DNMT1: variants seen among roughly 807,000 people sequenced by gnomAD.
The protein encoded by DNMT1 is DNA (cytosine-5)-methyltransferase 1.
Under a neutral mutation model 205.3 loss-of-function variants are expected in DNMT1, and 24 were observed. That is an observed-to-expected ratio of 0.12 (90% CI 0.08 to 0.16). The LOEUF (loss-of-function observed/expected upper bound fraction) is 0.16, where lower values mean the gene tolerates loss of function less well. Among genes scored for constraint, DNMT1 ranks in the 10% least tolerant of loss-of-function variants. The probability of loss-of-function intolerance (pLI) is 1.00; values close to 1 mark genes in which losing one functional copy is unlikely to be tolerated. For synonymous variants in DNMT1, 817 were observed against 839.8 expected (o/e 0.97, Z 0.47); for missense variants, 1,293 against 2,177.7 (o/e 0.59, Z 8.09).
In DNMT1 at chr19:10,138,000, C is replaced by T. The variant is rs1476501490; in HGVS notation, c.4125G>A (p.Ser1375=). 14 of 1,610,482 alleles carry T rather than the reference C, an allele frequency of 8.7e-6. No homozygotes were observed. Among genetic ancestry groups the T allele is most frequent in the East Asian group, 4.5e-5 (2 of 44,826 alleles). The change falls in exon 36 of 41, where the codon TCG becomes TCA. Residue 1375 remains serine (S), a synonymous_variant. Coordinates refer to ENST00000359526, the MANE Select transcript of DNMT1 (RefSeq NM_001130823.3). The surrounding 1 kb of genome is among the most constrained non-coding windows in gnomAD (Gnocchi z 6.4). ...KFVSNITRLS[S]GPFRTITVRD... is the part of the protein sequence containing the mutation. ...GCACCGTGATGGTCCGGAAAGGACC[C>T]GAGCTCAACCTGCAACAGAGGAGGA...
rs371809687 is a variant in DNMT1, at chr19:10,156,339, G to T, written c.1399+52C>A. ...TAGGATTACAGATGTGAGCCACCCT[G>T]CCTGGCTGTTTTTAAAGTGTGCCCC... On this transcript the variant is annotated intron_variant, in intron 18 of 40. Coordinates refer to ENST00000359526, the MANE Select transcript of DNMT1 (RefSeq NM_001130823.3). The surrounding 1 kb of genome is among the most constrained non-coding windows in gnomAD (Gnocchi z 4.2). 3.3e-5 allele frequency: 48 copies of T among 1,434,384 alleles called. No homozygotes were observed. Among genetic ancestry groups the T allele is most frequent in the Non-Finnish European group, 4.7e-5 (48 of 1,019,826 alleles). The allele number at this position is 1,434,384 out of a possible 1,614,324, so 88.9% of individuals were successfully genotyped here.
At chr19:10,152,882 T>C (rs149602576) in intron 22 of DNMT1, among the ~76,000 whole-genome samples, 2 of 151,088 alleles carry the variant, frequency 1.3e-5, no homozygotes, top group Non-Finnish European at 2.9e-5. Context: ...GGAGGACCAC[T>C]TGAAGCCAGG....
rs1208649886 is a variant in DNMT1 at position 10,161,150 on chromosome 19, C to CAA, written c.1009-734_1009-733dup. 2.0e-5 allele frequency among the ~76,000 whole-genome samples: 3 copies of CAA among 152,154 alleles called. No individual in the cohort carries two copies. In the East Asian group the frequency reaches 5.8e-4, roughly 29 times the overall value. On this transcript the variant is annotated intron_variant, in intron 13 of 40. Transcript: ENST00000359526. ...TGAAACCCTGTCTCTACTAAAAATA[C>CAA]AAAAATTAGTTGGGCGCGGTGGCGC...
chr19:10,155,411 C>T (rs2145310135), intron 19 of DNMT1, among the ~76,000 whole-genome samples: 1 of 151,950 alleles, frequency 6.6e-6, no homozygotes, highest in East Asian at 1.9e-4. Flanking sequence ...GATCTCGGCT[C>T]ACTGCAACCT....
At chr19:10,162,620 G>GAAAAAAAAAAAAAA in intron 13 of DNMT1, 47 bp downstream of exon 13, 22 of 1,316,368 alleles carry the variant, frequency 1.7e-5, no homozygotes, top group Admixed American at 4.5e-5. Context: ...CCGTCTTGGG[G>GAAAAAAAAAAAAAA]AAAAAAAAAA....
At position 10,151,226 on chromosome 19, in the gene DNMT1, T is replaced by G. The variant is rs2038335517; in HGVS notation, c.2265+172A>C. On this transcript the variant is annotated intron_variant, in intron 24 of 40. Transcript: ENST00000359526. This position sits in a 1 kb window ranked among gnomAD's most constrained non-coding sequence, Gnocchi z 5.0. Reference sequence around the variant, plus strand: ...CCACACAAAAATGCCTTGCTGGTACTGAGCCATGGAACATGGTCTCTTGGC... The same window carrying G: ...CCACACAAAAATGCCTTGCTGGTACGGAGCCATGGAACATGGTCTCTTGGC... Among the ~76,000 whole-genome samples, 1 of 152,188 alleles carries G rather than the reference T, an allele frequency of 6.6e-6. No individual in the cohort carries two copies. The highest frequency in any genetic ancestry group is 2.4e-5 in the African/African-American group (1 of 41,472).
At position 10,175,545 on chromosome 19, in the gene DNMT1, C is replaced by T. The variant is rs2038923777; in HGVS notation, c.643G>A (p.Asp215Asn). 1 of 1,613,996 alleles carries T rather than the reference C, an allele frequency of 6.2e-7. No homozygotes were observed. The highest frequency in any genetic ancestry group is 1.3e-5 in the African/African-American group (1 of 74,936). Reference protein sequence around the residue: ...SDESIKEEDKDQDEKRRRVTS... With the variant: ...SDESIKEEDKNQDEKRRRVTS... ...AATGAAAGCACTGGCCCTACCTGGT[C>T]TTTGTCTTCTTCCTTGATGGACTCA... Residue 215 changes from aspartate to asparagine, a missense_variant, in exon 7 of 41, where the codon GAC becomes AAC. Coordinates refer to ENST00000359526, the MANE Select transcript of DNMT1 (RefSeq NM_001130823.3).
In DNMT1 at chr19:10,143,963, T is replaced by C. The variant is rs2089651848; in HGVS notation, c.2919A>G (p.Lys973=). 1 of 1,613,886 alleles carries C rather than the reference T, an allele frequency of 6.2e-7. No individual in the cohort carries two copies. Among genetic ancestry groups the C allele is most frequent in the Non-Finnish European group, 8.5e-7 (1 of 1,179,952 alleles). Residue 973 remains lysine, a synonymous_variant, in exon 29 of 41, where the codon AAA becomes AAG. Transcript: ENST00000359526. Reference sequence around the variant, plus strand: ...CATCCACGGGCTCCTTCCGTGGGCGTTTCACGGGACTGGACAGCTTGATGC... The same window carrying C: ...CATCCACGGGCTCCTTCCGTGGGCGCTTCACGGGACTGGACAGCTTGATGC... ...TFNIKLSSPV[K]RPRKEPVDED... is the part of the protein sequence containing the mutation.
chr19:10,159,583 A>G lies in DNMT1; in HGVS notation c.1280+75T>C. The G allele has an allele frequency of 6.9e-7, 1 of 1,447,668 alleles. No homozygotes were observed. The highest frequency in any genetic ancestry group is 1.8e-5 in the Admixed American group (1 of 56,998). 89.7% of individuals were successfully genotyped at this position (1,447,668 alleles called of 1,614,324 possible). ...GTCAGGCACTAAAAAACATCACCAG[A>G]ATCGTGAGCCCGCAGGCACCTCTGG... On this transcript the variant is annotated intron_variant, in intron 17 of 40. Coordinates refer to ENST00000359526, the MANE Select transcript of DNMT1 (RefSeq NM_001130823.3). This position sits in a 1 kb window ranked among gnomAD's most constrained non-coding sequence, Gnocchi z 5.0.
chr19:10,172,965 G>C, intron 9 of DNMT1, 125 bp downstream of exon 9: 4 of 1,103,932 alleles, frequency 3.6e-6, no homozygotes, highest in Non-Finnish European at 5.5e-6. Flanking sequence ...AAGGCATTTC[G>C]ATCACTAGCA....
At chr19:10,177,972 G>T (rs1019152543) in intron 5 of DNMT1, among the ~76,000 whole-genome samples, 2 of 150,282 alleles carry the variant, frequency 1.3e-5, no homozygotes, top group African/African-American at 4.9e-5. Flanking sequence ...AGAAAAAAAA[G>T]AAATAGGCCA....
intron 11 of DNMT1, among the ~76,000 whole-genome samples, chr19:10,166,165 G>A (rs539324449): frequency 2.6e-5 from 4 of 152,130 alleles, no homozygotes; most frequent in Non-Finnish European, 5.9e-5. Context: ...GGGTTTAAAC[G>A]CATGCACTTG....
intron 27 of DNMT1, 65 bp downstream of exon 27, chr19:10,148,819 A>G: frequency 6.2e-7 from 1 of 1,612,498 alleles, no homozygotes; most frequent in Non-Finnish European, 8.5e-7. Flanking sequence ...ACGGAAGCAC[A>G]CGGGAAAAGG....
chr19:10,182,589 A>C (rs1180244759), intron 1 of DNMT1, among the ~76,000 whole-genome samples: 1 of 150,702 alleles, frequency 6.6e-6, no homozygotes, highest in African/African-American at 2.4e-5. Context: ...TCTGTAACAG[A>C]GTATGTGTGT....
At chr19:10,171,140 GA>G (rs974475742) in intron 9 of DNMT1, among the ~76,000 whole-genome samples, 120 of 149,406 alleles carry the variant, frequency 8.0e-4, no homozygotes, top group Non-Finnish European at 1.4e-3. Context: ...AAAACAAACA[GA>G]AAAAAAAACA....
intron 29 of DNMT1, 38 bp downstream of exon 29, chr19:10,143,728 G>T: frequency 1.9e-6 from 3 of 1,609,726 alleles, no homozygotes; most frequent in Non-Finnish European, 2.6e-6. Context: ...TTCTAGAAGA[G>T]TCTGTGGCCT....
chr19:10,154,474 G>T lies in DNMT1; in HGVS notation c.1838C>A (p.Ala613Asp), dbSNP rs777870040. ...CCTGATGGTCTGCCGCCTCGCCTGG[G>T]CTCGCCTACGGGAGAGGTTCCAGCA... Reference protein sequence around the residue: ...LAGVTLGQRRAQARRQTIRHS... With the variant: ...LAGVTLGQRRDQARRQTIRHS... Residue 613 changes from alanine (A) to aspartate (D), a missense_variant, in exon 22 of 41, where the codon GCC becomes GAC. Transcript: ENST00000359526. The surrounding 1 kb of genome is among the most constrained non-coding windows in gnomAD (Gnocchi z 6.3). 6.2e-7 allele frequency: 1 copy of T among 1,614,190 alleles called. No homozygotes were observed. Among genetic ancestry groups the T allele is most frequent in the South Asian group, 1.1e-5 (1 of 91,090 alleles).
rs564892397 is a variant in DNMT1 at position 10,155,780 on chromosome 19, G to A, written c.1492+73C>T. 103 of 1,495,184 alleles carry A rather than the reference G, an allele frequency of 6.9e-5. No homozygotes were observed. In the East Asian group the frequency reaches 1.5e-3, roughly 22 times the overall value. 92.6% of individuals were successfully genotyped at this position (1,495,184 alleles called of 1,614,324 possible). Reference sequence around the variant, plus strand: ...TGCTGAGAATTCCCACCAGAGCCCCGTCAGCCCCCAGGAAGGAGAACATGA... The same window carrying A: ...TGCTGAGAATTCCCACCAGAGCCCCATCAGCCCCCAGGAAGGAGAACATGA... On this transcript the variant is annotated intron_variant, in intron 19 of 40. Transcript: ENST00000359526.
rs2038522134 is a variant in DNMT1, at chr19:10,159,464, C to A, written c.1280+194G>T. Among the ~76,000 whole-genome samples the A allele has an allele frequency of 6.6e-6, 1 of 152,198 alleles. No individual in the cohort carries two copies. Among genetic ancestry groups the A allele is most frequent in the Non-Finnish European group, 1.5e-5 (1 of 68,040 alleles). On this transcript the variant is annotated intron_variant, in intron 17 of 40. Coordinates refer to ENST00000359526, the MANE Select transcript of DNMT1 (RefSeq NM_001130823.3). This position sits in a 1 kb window ranked among gnomAD's most constrained non-coding sequence, Gnocchi z 5.0. Reference sequence around the variant, plus strand: ...CCTGAAGTGATCTGCTCACCTCGGCCTCCCAAAGTGCTAGGATTACAGGCA... The same window carrying A: ...CCTGAAGTGATCTGCTCACCTCGGCATCCCAAAGTGCTAGGATTACAGGCA...
Sources: gnomAD v4.1 joint callset for allele counts (sites outside exome capture counted in the v4.1 genomes callset) on GRCh38, gnomAD v4.1.1 for gene constraint, Gnocchi (gnomAD v3.1) non-coding constraint, MANE v1.5 for transcripts, NCBI Gene and HGNC (gene_info 2026-07-23, HGNC 2026-07-21) for gene names.